The following SUCLG2 variants were observed in gnomAD, a reference collection of about 807,000 sequenced individuals.
SUCLG2 encodes the protein succinate--CoA ligase [GDP-forming] subunit beta, mitochondrial.
Under a neutral mutation model 47.9 loss-of-function variants are expected in SUCLG2, and 42 were observed. The ratio of observed to expected loss-of-function variants is 0.88; its 90% CI spans 0.69 to 1.14. The LOEUF (loss-of-function observed/expected upper bound fraction) is 1.14, where lower values mean the gene tolerates loss of function less well. Among genes scored for constraint, SUCLG2 ranks in the 50% most tolerant of loss-of-function variants. The pLI is 0.00. For missense variants in SUCLG2, 571 were observed against 525.9 expected (o/e 1.09, Z -0.84); for synonymous variants, 195 against 197.3 (o/e 0.99, Z 0.10).
At chr3:67,371,214 GAACAAC>G (rs201797515), downstream of SUCLG2, among the ~76,000 whole-genome samples, 13 of 152,054 alleles carry the variant, frequency 8.5e-5, no homozygotes. Flanking sequence ...GGAGGAACAA[GAACAAC>G]AACAACAAAA....
intron 9 of SUCLG2, among the ~76,000 whole-genome samples, chr3:67,474,000 G>A (rs1704670188): frequency 6.6e-6 from 1 of 152,168 alleles, no homozygotes. Flanking sequence ...GCTCACGACT[G>A]TAATCCCAGC....
intron 2 of SUCLG2, among the ~76,000 whole-genome samples, chr3:67,555,441 G>A (rs900486146): frequency 1.3e-5 from 2 of 152,148 alleles, no homozygotes; most frequent in South Asian, 2.1e-4. Flanking sequence ...CCTAAAAGCA[G>A]TAATGCCTCA....
intron 1 of SUCLG2, among the ~76,000 whole-genome samples, chr3:67,639,539 C>T (rs1701064221): frequency 6.6e-6 from 1 of 150,874 alleles, no homozygotes; most frequent in African/African-American, 2.5e-5. Flanking sequence ...AAGAGCAGCC[C>T]CGGCAGGTCT....
intron 9 of SUCLG2, among the ~76,000 whole-genome samples, chr3:67,453,901 G>A (rs1458814347): frequency 1.3e-5 from 2 of 152,152 alleles, no homozygotes; most frequent in Non-Finnish European, 2.9e-5. Context: ...TAACCAGAAT[G>A]CCACGATGTA....
chr3:67,598,819 C>G (rs1264293455), intron 2 of SUCLG2, among the ~76,000 whole-genome samples: 1 of 152,186 alleles, frequency 6.6e-6, no homozygotes, highest in East Asian at 1.9e-4. Context: ...TGAGTAGACA[C>G]TACTGACATC....
rs5849753 is a variant in SUCLG2 at position 67,401,575 on chromosome 3, C to CAA, written c.1063-726_1063-725dup. On this transcript the variant is annotated intron_variant, in intron 9 of 10. Coordinates refer to ENST00000307227, the MANE Select transcript of SUCLG2 (RefSeq NM_003848.4). ...ATTCCATATTCAAAGGCATGTGGGC[C>CAA]AAAAAAAAAAAAAAAACAAACTCTA... is the stretch of plus-strand genomic sequence containing the variant. Among the ~76,000 whole-genome samples, 210 of 121,640 alleles carry CAA rather than the reference C, an allele frequency of 1.7e-3. 1 individual carries two copies. Among genetic ancestry groups the CAA allele is most frequent in the East Asian group, 9.0e-3 (38 of 4,232 alleles). 79.8% of individuals were successfully genotyped at this position (121,640 alleles called of 152,430 possible).
At chr3:67,535,395 T>C (rs561424517) in intron 2 of SUCLG2, among the ~76,000 whole-genome samples, 1 of 152,020 alleles carries the variant, frequency 6.6e-6, no homozygotes, top group African/African-American at 2.4e-5. Context: ...GAGAAGTGGA[T>C]GGCAAAGGAG....
At chr3:67,527,634 G>T (rs1706290038) in intron 4 of SUCLG2, among the ~76,000 whole-genome samples, 1 of 151,994 alleles carries the variant, frequency 6.6e-6, no homozygotes, top group Non-Finnish European at 1.5e-5. Context: ...TACATACTTG[G>T]GTACTTCAGC....
chr3:67,653,309 A>C (rs771336429), intron 1 of SUCLG2, among the ~76,000 whole-genome samples: 1 of 152,200 alleles, frequency 6.6e-6, no homozygotes, highest in Non-Finnish European at 1.5e-5. Context: ...GTGAGTTTTA[A>C]TTAGACAAAA....
At chr3:67,654,426 A>G (rs1701348111) in intron 1 of SUCLG2, 77 bp downstream of exon 1, 1 of 1,145,090 alleles carries the variant, frequency 8.7e-7, no homozygotes, top group Non-Finnish European at 1.1e-6. Context: ...GCGGAGACCA[A>G]GAGTAGCAGG....
chr3:67,439,164 A>G (rs185954260), intron 9 of SUCLG2, among the ~76,000 whole-genome samples: 1 of 152,352 alleles, frequency 6.6e-6, no homozygotes, highest in Non-Finnish European at 1.5e-5. Flanking sequence ...AGATGCAGAA[A>G]AGACCTTTGA....
intron 1 of SUCLG2, among the ~76,000 whole-genome samples, chr3:67,636,631 C>A (rs1346053909): frequency 1.3e-5 from 2 of 151,212 alleles, no homozygotes; most frequent in African/African-American, 2.4e-5. Context: ...GGATTACAGG[C>A]GTGAGCCACT....
intron 9 of SUCLG2, among the ~76,000 whole-genome samples, chr3:67,424,707 A>G (rs945094213): frequency 6.6e-6 from 1 of 152,126 alleles, no homozygotes; most frequent in Non-Finnish European, 1.5e-5. Flanking sequence ...GGCCGTTACT[A>G]AAACCACCAG....
At chr3:67,435,090 A>T (rs926261048) in intron 9 of SUCLG2, among the ~76,000 whole-genome samples, 15 of 152,126 alleles carry the variant, frequency 9.9e-5, no homozygotes, top group African/African-American at 3.6e-4. Flanking sequence ...TTGAGTGGGT[A>T]AACTACAGTA....
At chr3:67,467,769 T>G (rs181796277) in intron 9 of SUCLG2, among the ~76,000 whole-genome samples, 8 of 152,146 alleles carry the variant, frequency 5.3e-5, no homozygotes, top group Non-Finnish European at 8.8e-5. Flanking sequence ...TGCTGAGTTG[T>G]TTCTATTAAT....
intron 2 of SUCLG2, among the ~76,000 whole-genome samples, chr3:67,580,108 T>G (rs763536611): frequency 6.6e-6 from 1 of 152,226 alleles, no homozygotes; most frequent in Non-Finnish European, 1.5e-5. Flanking sequence ...ATTATGTTAC[T>G]ACTATACAAC....
intron 10 of SUCLG2, among the ~76,000 whole-genome samples, chr3:67,382,451 A>C (rs1702179402): frequency 1.3e-5 from 2 of 152,202 alleles, no homozygotes; most frequent in Admixed American, 1.3e-4. Context: ...CTTGGATCAA[A>C]CAACCAGTTA....
chr3:67,521,180 A>G (rs1406525595), intron 4 of SUCLG2, among the ~76,000 whole-genome samples: 4 of 152,192 alleles, frequency 2.6e-5, no homozygotes. Flanking sequence ...AAATAATGCA[A>G]ACGATACCAA....
At chr3:67,369,711 C>A (rs190150283) in intron 10 of SUCLG2, among the ~76,000 whole-genome samples, 7 of 152,292 alleles carry the variant, frequency 4.6e-5, no homozygotes, top group Admixed American at 1.3e-4. Flanking sequence ...CATTTATTAG[C>A]TCTGGATGGT....
Sources: allele counts gnomAD v4.1 joint callset (sites outside exome capture counted in the v4.1 genomes callset), GRCh38; gene constraint gnomAD v4.1.1; transcripts MANE v1.5; gene names NCBI Gene and HGNC (gene_info 2026-07-23, HGNC 2026-07-21).